The following CUL5 variants were observed in gnomAD, a reference collection of about 807,000 sequenced individuals.
CUL5 encodes the protein cullin-5.
A neutral mutation model predicts 108.8 loss-of-function variants in CUL5; 26 were observed. The observed-to-expected ratio is 0.24, with a 90% confidence interval of 0.18 to 0.33. The LOEUF (loss-of-function observed/expected upper bound fraction) is 0.33. CUL5 is among the 10% of genes least tolerant of loss of function. The pLI, the probability that CUL5 is intolerant of heterozygous loss-of-function variation, is 1.00. For missense variants in CUL5, 524 were observed against 909.2 expected (o/e 0.58, Z 5.45); for synonymous variants, 334 against 298.0 (o/e 1.12, Z -1.25).
chr11:108,047,176 G>A (rs371086874), intron 3 of CUL5, among the ~76,000 whole-genome samples: 21 of 152,168 alleles, frequency 1.4e-4, no homozygotes, highest in South Asian at 8.3e-4. Context: ...AATTACCCAA[G>A]CATGATGGTG....
intron 10 of CUL5, chr11:108,074,190 ATTTTTTT>A (rs34367275): frequency 1.6e-4 from 19 of 118,152 alleles, no homozygotes; most frequent in African/African-American, 6.1e-4. Context: ...GTCTATTTTA[ATTTTTTT>A]TTTTTTTTTT....
intron 1 of CUL5, among the ~76,000 whole-genome samples, chr11:108,031,352 G>A (rs574092643): frequency 1.7e-4 from 19 of 109,376 alleles, no homozygotes; most frequent in South Asian, 3.8e-4. Flanking sequence ...GCAACAGAAC[G>A]AGACTCTGTC....
intron 11 of CUL5, among the ~76,000 whole-genome samples, chr11:108,084,011 C>T (rs1479316189): frequency 6.6e-6 from 1 of 152,174 alleles, no homozygotes; most frequent in Non-Finnish European, 1.5e-5. Flanking sequence ...AGCTCATCAT[C>T]TGTCATTAGT....
At position 108,023,611 on chromosome 11, in the gene CUL5, T is replaced by C. The variant is rs1442148110; in HGVS notation, c.25-10191T>C. On this transcript the variant is annotated intron_variant, in intron 1 of 18. Coordinates refer to ENST00000393094, the MANE Select transcript of CUL5 (RefSeq NM_003478.6). The stretch of plus-strand genomic sequence containing the variant: ...ATGTACTACAGTTTAAGGAACACTA[T>C]ACTAGAATGTGAATTGCTTGAGGAC... Among the ~76,000 whole-genome samples the C allele has an allele frequency of 2.0e-5, 3 of 152,250 alleles. No individual in the cohort carries two copies. In the South Asian group the frequency reaches 6.2e-4, roughly 31 times the overall value.
At chr11:108,037,547 G>A (rs984673260) in intron 2 of CUL5, among the ~76,000 whole-genome samples, 3 of 152,196 alleles carry the variant, frequency 2.0e-5, no homozygotes, top group African/African-American at 7.2e-5. Context: ...AAGTCCAGGA[G>A]AAACGAAATC....
intron 11 of CUL5, among the ~76,000 whole-genome samples, chr11:108,084,493 G>A (rs897132472): frequency 5.3e-5 from 8 of 152,178 alleles, no homozygotes; most frequent in Non-Finnish European, 7.3e-5. Flanking sequence ...ACATATCTTC[G>A]ATTCAGTGGC....
chr11:108,014,780 A>C (rs1373930246), intron 1 of CUL5, among the ~76,000 whole-genome samples: 1 of 152,214 alleles, frequency 6.6e-6, no homozygotes, highest in Non-Finnish European at 1.5e-5. Context: ...TTTTGTTGGG[A>C]AGAGAGACAA....
chr11:108,022,470 G>A (rs972281962), intron 1 of CUL5, among the ~76,000 whole-genome samples: 5 of 151,942 alleles, frequency 3.3e-5, no homozygotes, highest in East Asian at 1.9e-4. Flanking sequence ...TTACAGATAC[G>A]CTAATTGCTT....
intron 1 of CUL5, among the ~76,000 whole-genome samples, chr11:108,018,768 A>G (rs1172284281): frequency 6.6e-6 from 1 of 152,146 alleles, no homozygotes; most frequent in East Asian, 1.9e-4. Flanking sequence ...TTTTGTTGAG[A>G]TAAGAAAGAT....
chr11:108,059,182 G>A (rs1010676065), intron 7 of CUL5, among the ~76,000 whole-genome samples: 2 of 152,118 alleles, frequency 1.3e-5, no homozygotes, highest in Non-Finnish European at 1.5e-5. Flanking sequence ...CCAGCTTTAA[G>A]CCAAAATGAC....
intron 2 of CUL5, among the ~76,000 whole-genome samples, chr11:108,037,579 G>T (rs902653681): frequency 6.6e-6 from 1 of 152,162 alleles, no homozygotes; most frequent in Non-Finnish European, 1.5e-5. Flanking sequence ...ATGTCTTCTC[G>T]CAGAGGAGTC....
Position 108,094,504 on chromosome 11 carries a change from G to T in CUL5, c.1557G>T (p.Leu519Phe). The T allele has an allele frequency of 2.1e-6, 3 of 1,405,628 alleles. No homozygotes were observed. The highest frequency in any genetic ancestry group is 1.9e-5 in the Admixed American group (1 of 51,328). The allele number at this position is 1,405,628 out of a possible 1,614,324, so 87.1% of individuals were successfully genotyped here. A position where few individuals can be genotyped will look rare whatever the true frequency, so the allele number is the denominator to read the frequency against. Reference protein sequence around the residue: ...AFKEMHKNNKLALPADSVNIK... With the variant: ...AFKEMHKNNKFALPADSVNIK... ...AGGAAATGCACAAAAATAATAAATT[G>T]GCATTACCAGGTATTATTTTATAAT... Residue 519 changes from leucine to phenylalanine, a missense_variant, in exon 14 of 19, where the codon TTG becomes TTT. By Grantham distance (22) the Leu-to-Phe change is conservative (BLOSUM62 0). Transcript: ENST00000393094.
chr11:108,049,155 C>G (rs1314375817), intron 3 of CUL5, among the ~76,000 whole-genome samples: 1 of 152,144 alleles, frequency 6.6e-6, no homozygotes, highest in Admixed American at 6.5e-5. Context: ...CTTCTCCCAA[C>G]CCACTAAATC....
At chr11:108,077,560 G>A (rs1286274466) in intron 10 of CUL5, among the ~76,000 whole-genome samples, 7 of 152,082 alleles carry the variant, frequency 4.6e-5, no homozygotes, top group Middle Eastern at 3.4e-3. Flanking sequence ...AACCCAGGAG[G>A]TGGTGGTTGC....
intron 4 of CUL5, among the ~76,000 whole-genome samples, chr11:108,052,149 T>C (rs1863243665): frequency 6.6e-6 from 1 of 152,018 alleles, no homozygotes; most frequent in South Asian, 2.1e-4. Flanking sequence ...TATTTTTTGT[T>C]GTTGTTGAGA....
At chr11:108,087,686 G>A (rs1359351670) in intron 11 of CUL5, among the ~76,000 whole-genome samples, 1 of 152,162 alleles carries the variant, frequency 6.6e-6, no homozygotes, top group African/African-American at 2.4e-5. Context: ...CAGGAGCCAG[G>A]TGCGGTGGCC....
intron 11 of CUL5, among the ~76,000 whole-genome samples, chr11:108,078,954 A>C (rs1864003117): frequency 6.6e-6 from 1 of 152,098 alleles, no homozygotes; most frequent in Non-Finnish European, 1.5e-5. Context: ...CCATATTATA[A>C]TATTGATATA....
Position 108,095,697 on chromosome 11 carries a change from T to TTTATG in CUL5, c.1905+9_1905+13dup. On this transcript the variant is annotated splice_region_variant and intron_variant, in intron 16 of 18. Transcript: ENST00000393094. ...AACTTAGGAGGACTTTATGGGTTGG[T>TTTATG]TTATGTTTTTTTGTTTTTAAGACTG... 6.2e-7 allele frequency: 1 copy of TTTATG among 1,606,214 alleles called. No individual in the cohort carries two copies. The highest frequency in any genetic ancestry group is 8.5e-7 in the Non-Finnish European group (1 of 1,177,668).
intron 1 of CUL5, among the ~76,000 whole-genome samples, chr11:108,031,770 C>T (rs1862589224): frequency 1.3e-5 from 2 of 152,124 alleles, no homozygotes; most frequent in South Asian, 4.2e-4. Flanking sequence ...AAATCACCCC[C>T]AATGCCCATC....
Sources: gnomAD v4.1 joint callset for allele counts (sites outside exome capture counted in the v4.1 genomes callset) on GRCh38, gnomAD v4.1.1 for gene constraint, MANE v1.5 for transcripts, NCBI Gene and HGNC (gene_info 2026-07-23, HGNC 2026-07-21) for gene names.